SPAG16: variants seen among roughly 807,000 people sequenced by gnomAD.
SPAG16 encodes the protein sperm-associated antigen 16 protein.
In SPAG16, 86 loss-of-function variants were observed where a neutral mutation model predicts 80.4. The observed-to-expected ratio is 1.07, with a 90% confidence interval of 0.90 to 1.28. The LOEUF (loss-of-function observed/expected upper bound fraction) is 1.28, where lower values mean the gene tolerates loss of function less well. SPAG16 is among the 50% of genes most tolerant of loss of function. The pLI, the probability that SPAG16 is intolerant of heterozygous loss-of-function variation, is 0.00. For missense variants in SPAG16, 870 were observed against 765.3 expected (o/e 1.14, Z -1.61); for synonymous variants, 294 against 265.9 (o/e 1.11, Z -1.03).
At chr2:213,382,909 AT>A (rs1285162418) in intron 9 of SPAG16, among the ~76,000 whole-genome samples, 1 of 152,206 alleles carries the variant, frequency 6.6e-6, no homozygotes, top group African/African-American at 2.4e-5. Flanking sequence ...TGCCTTTGTC[AT>A]GTAAAGGCAA....
chr2:214,038,069 C>T (rs1045648782), intron 13 of SPAG16, among the ~76,000 whole-genome samples: 3 of 152,058 alleles, frequency 2.0e-5, no homozygotes, highest in Admixed American at 1.3e-4. Flanking sequence ...TGCTAAATGT[C>T]TAATGTCAGC....
At chr2:213,938,372 A>T (rs1479672439) in intron 12 of SPAG16, among the ~76,000 whole-genome samples, 1 of 151,842 alleles carries the variant, frequency 6.6e-6, no homozygotes, top group Non-Finnish European at 1.5e-5. Context: ...TATATTTAAG[A>T]TTTACTTGTA....
intron 12 of SPAG16, among the ~76,000 whole-genome samples, chr2:213,994,836 CAT>C (rs1206774387): frequency 6.6e-6 from 1 of 151,878 alleles, no homozygotes; most frequent in Non-Finnish European, 1.5e-5. Flanking sequence ...TTCAGTTAAT[CAT>C]ATAATTTAAA....
At chr2:213,862,268 A>G (rs1296409541) in intron 10 of SPAG16, among the ~76,000 whole-genome samples, 1 of 152,184 alleles carries the variant, frequency 6.6e-6, no homozygotes, top group Non-Finnish European at 1.5e-5. Flanking sequence ...GGAATCCGAG[A>G]TCCAGTGAAG....
intron 15 of SPAG16, among the ~76,000 whole-genome samples, chr2:214,216,373 A>G (rs1339982712): frequency 6.6e-6 from 1 of 152,096 alleles, no homozygotes; most frequent in Non-Finnish European, 1.5e-5. Context: ...CCAGGCTGGA[A>G]TGCAGTGGCA....
intron 10 of SPAG16, among the ~76,000 whole-genome samples, chr2:213,701,746 C>T (rs2065433215): frequency 6.6e-6 from 1 of 152,224 alleles, no homozygotes; most frequent in African/African-American, 2.4e-5. Flanking sequence ...TGTATATGCA[C>T]CAATCAGCAC....
chr2:213,310,235 T>C, intron 4 of SPAG16, 58 bp downstream of exon 4: 1 of 1,225,702 alleles, frequency 8.2e-7, no homozygotes, highest in Non-Finnish European at 1.2e-6. Flanking sequence ...ACATATACAC[T>C]TTTAAGTGTC....
chr2:214,108,398 G>A (rs2053488874), intron 14 of SPAG16, 137 bp downstream of exon 14: 1 of 493,614 alleles, frequency 2.0e-6, no homozygotes, highest in African/African-American at 2.0e-5. Flanking sequence ...GTAAACAATA[G>A]GAAAAGTCTA....
chr2:214,238,947 CTTCT>C (rs927042710), intron 15 of SPAG16: 1 of 152,128 alleles, frequency 6.6e-6, no homozygotes, highest in Non-Finnish European at 1.5e-5. Context: ...ACTTTGAGGA[CTTCT>C]TTGAGGATAC....
chr2:214,107,863 G>C (rs992793849), intron 13 of SPAG16, among the ~76,000 whole-genome samples: 1 of 152,124 alleles, frequency 6.6e-6, no homozygotes, highest in Non-Finnish European at 1.5e-5. Context: ...TTTCTAATAA[G>C]GGAGTTCTTA....
chr2:213,370,214 G>A (rs1025191816), intron 8 of SPAG16, among the ~76,000 whole-genome samples: 4 of 152,150 alleles, frequency 2.6e-5, no homozygotes, highest in Admixed American at 2.6e-4. Context: ...AATGTTTATA[G>A]TGGATCCTAC....
intron 10 of SPAG16, among the ~76,000 whole-genome samples, chr2:213,745,377 G>A (rs1486745894): frequency 6.6e-6 from 1 of 152,036 alleles, no homozygotes; most frequent in African/African-American, 2.4e-5. Context: ...CGAGTAGCTG[G>A]GATTACAGGT....
chr2:214,097,808 G>A (rs908390513), intron 13 of SPAG16, among the ~76,000 whole-genome samples: 1 of 152,064 alleles, frequency 6.6e-6, no homozygotes, highest in Admixed American at 6.6e-5. Context: ...CTTGCAATCT[G>A]CATATTATGA....
intron 10 of SPAG16, among the ~76,000 whole-genome samples, chr2:213,531,366 G>GTGTGTGTGTGTA (rs2076061419): frequency 6.6e-6 from 1 of 150,800 alleles, no homozygotes; most frequent in Non-Finnish European, 1.5e-5. Context: ...GTGAGTGTGT[G>GTGTGTGTGTGTA]TGTGTGTGTG....
intron 15 of SPAG16, among the ~76,000 whole-genome samples, chr2:214,163,806 C>T (rs748605858): frequency 2.6e-5 from 4 of 151,714 alleles, no homozygotes; most frequent in Non-Finnish European, 4.4e-5. Context: ...AAGCAGAATT[C>T]CTTCTTTCTT....
At chr2:214,132,903 A>G (rs970554119) in intron 14 of SPAG16, among the ~76,000 whole-genome samples, 1 of 151,324 alleles carries the variant, frequency 6.6e-6, no homozygotes. Context: ...GACCAGCCTG[A>G]CCAACATGGA....
chr2:213,692,822 A>G (rs929316924), intron 10 of SPAG16, among the ~76,000 whole-genome samples: 1 of 151,200 alleles, frequency 6.6e-6, no homozygotes, highest in African/African-American at 2.4e-5. Flanking sequence ...AAAAAAAAAA[A>G]AAAGAAAAAA....
intron 10 of SPAG16, among the ~76,000 whole-genome samples, chr2:213,554,785 A>G (rs1488236242): frequency 6.6e-6 from 1 of 152,008 alleles, no homozygotes; most frequent in Non-Finnish European, 1.5e-5. Flanking sequence ...AGGCTATTTT[A>G]AAACACAAAG....
chr2:213,886,826 T>G (rs2076573588), intron 11 of SPAG16, among the ~76,000 whole-genome samples: 2 of 151,992 alleles, frequency 1.3e-5, no homozygotes, highest in South Asian at 4.1e-4. Context: ...GATAAAGGAC[T>G]CATGAAGATG....
Sources: gnomAD v4.1 joint callset for allele counts (sites outside exome capture counted in the v4.1 genomes callset) on GRCh38, gnomAD v4.1.1 for gene constraint, MANE v1.5 for transcripts, NCBI Gene and HGNC (gene_info 2026-07-23, HGNC 2026-07-21) for gene names.